HSPB1: variants seen among roughly 807,000 people sequenced by gnomAD.
HSPB1 encodes heat shock protein beta-1.
HSPB1 carries 19 observed loss-of-function variants against 17.0 expected under a neutral mutation model. The observed-to-expected ratio is 1.12, with a 90% CI of 0.78 to 1.64. The LOEUF is 1.64. Among genes scored for constraint, HSPB1 ranks in the 40% most tolerant of loss-of-function variants. The pLI, the probability that HSPB1 is intolerant of heterozygous loss-of-function variation, is 0.00. For synonymous variants in HSPB1, 165 were observed against 129.8 expected (o/e 1.27, Z -1.84); for missense variants, 348 against 289.2 (o/e 1.20, Z -1.47).
In HSPB1 at chr7:76,302,926, GCCTACAGCCGCGCGCT is replaced by G; in HGVS notation, c.216_231del (p.Tyr73AlafsTer32). 1 of 1,545,226 alleles carries G rather than the reference GCCTACAGCCGCGCGCT, an allele frequency of 6.5e-7. No homozygotes were observed. Among genetic ancestry groups the G allele is most frequent in the Non-Finnish European group, 8.7e-7 (1 of 1,150,946 alleles). ...CGAGAGCCCCGCAGTGGCCGCGCCC[GCCTACAGCCGCGCGCT>G]CAGCCGGCAACTCAGCAGCGGGGTC... is the stretch of plus-strand genomic sequence containing the variant. On this transcript the variant is annotated frameshift_variant, in exon 1 of 3. Transcript: ENST00000248553. LOFTEE classifies it high-confidence loss of function.
Position 76,302,806 on chromosome 7 carries a change from G to T in HSPB1, c.94G>T (p.Ala32Ser). 6.2e-7 allele frequency: 1 copy of T among 1,608,368 alleles called. No individual in the cohort carries two copies. The highest frequency in any genetic ancestry group is 8.5e-7 in the Non-Finnish European group (1 of 1,179,264). Residue 32 changes from alanine to serine, a missense_variant, in exon 1 of 3, where the codon GCC becomes TCC. Physicochemically the swap from Ala to Ser is moderately conservative, Grantham distance 99. Coordinates refer to ENST00000248553, the MANE Select transcript of HSPB1 (RefSeq NM_001540.5). Reference protein sequence around the residue: ...WYPHSRLFDQAFGLPRLPEEW... With the variant: ...WYPHSRLFDQSFGLPRLPEEW... The stretch of plus-strand genomic sequence containing the variant: ...CCCGCATAGCCGCCTCTTCGACCAG[G>T]CCTTCGGGCTGCCCCGGCTGCCGGA...
Position 76,302,885 on chromosome 7 carries a change from TGCCCCCC to T in HSPB1, c.177_183del (p.Ala61SerfsTer47), listed in dbSNP as rs1448818291. ...AGCTGGCCAGGCTACGTGCGCCCCCTGCCCCCCGCCGCCATCGAGAGCCCCGCAGTGG... is the reference window on the plus strand; with the variant it reads ...AGCTGGCCAGGCTACGTGCGCCCCCTGCCGCCATCGAGAGCCCCGCAGTGG... On this transcript the variant is annotated frameshift_variant, in exon 1 of 3. Coordinates refer to ENST00000248553, the MANE Select transcript of HSPB1 (RefSeq NM_001540.5). LOFTEE classifies it high-confidence loss of function. 4.5e-6 allele frequency: 7 copies of T among 1,563,374 alleles called. No homozygotes were observed. The highest frequency in any genetic ancestry group is 1.4e-5 in the African/African-American group (1 of 73,954).
Position 76,304,079 on chromosome 7 carries a change from A to C in HSPB1, c.524A>C (p.Gln175Pro), listed in dbSNP as rs751308472. 2 of 1,613,658 alleles carry C rather than the reference A, an allele frequency of 1.2e-6. No homozygotes were observed. Among genetic ancestry groups the C allele is most frequent in the Non-Finnish European group, 1.7e-6 (2 of 1,179,940 alleles). The change falls in exon 3 of 3, where the codon CAG becomes CCG. Residue 175 changes from glutamine to proline, a missense_variant. Coordinates refer to ENST00000248553, the MANE Select transcript of HSPB1 (RefSeq NM_001540.5). ...GCCCCCATGCCCAAGCTAGCCACGC[A>C]GTCCAACGAGATCACCATCCCAGTC... The part of the protein sequence containing the change: ...VEAPMPKLAT[Q>P]SNEITIPVTF...
chr7:76,303,000 C>A lies in HSPB1; in HGVS notation c.288C>A (p.Arg96=). 6.5e-7 allele frequency: 1 copy of A among 1,543,676 alleles called. No individual in the cohort carries two copies. The highest frequency in any genetic ancestry group is 2.4e-5 in the East Asian group (1 of 41,766). ...TCCGGCACACTGCGGACCGCTGGCG[C>A]GTGTCCCTGGATGTCAACCACTTCG... ...SEIRHTADRW[R]VSLDVNHFAP... Residue 96 remains arginine (R), a synonymous_variant, in exon 1 of 3, where the codon CGC becomes CGA. Coordinates refer to ENST00000248553, the MANE Select transcript of HSPB1 (RefSeq NM_001540.5).
chr7:76,303,042 G>A lies in HSPB1; in HGVS notation c.330G>A (p.Thr110=), dbSNP rs1335377513. 1 of 1,541,416 alleles carries A rather than the reference G, an allele frequency of 6.5e-7. No homozygotes were observed. The highest frequency in any genetic ancestry group is 1.9e-5 in the Admixed American group (1 of 51,948). Residue 110 remains threonine (T), a synonymous_variant, in exon 1 of 3, where the codon ACG becomes ACA. Transcript: ENST00000248553. The stretch of plus-strand genomic sequence containing the variant: ...ACCACTTCGCCCCGGACGAGCTGAC[G>A]GTCAAGACCAAGGATGGCGTGGTGG... The part of the protein sequence containing the change: ...DVNHFAPDEL[T]VKTKDGVVEI...
intron 1 of HSPB1, 65 bp downstream of exon 1, chr7:76,303,141 G>A (rs1369904312): frequency 6.7e-7 from 1 of 1,489,904 alleles, no homozygotes; most frequent in South Asian, 1.3e-5. Context: ...CCGGGGGCGT[G>A]CGGTTGAAAC....
Position 76,304,154 on chromosome 7 carries a change from A to G in HSPB1, c.599A>G (p.Asp200Gly). The change falls in exon 3 of 3, where the codon GAT becomes GGT. Residue 200 changes from aspartate to glycine, a missense_variant. Transcript: ENST00000248553. ...QLGGPEAAKS[D>G]ETAAK is the part of the protein sequence containing the mutation. ...GGGGGCCCAGAAGCTGCAAAATCCG[A>G]TGAGACTGCCGCCAAGTAAAGCCTT... is the stretch of plus-strand genomic sequence containing the variant. 6.2e-7 allele frequency: 1 copy of G among 1,611,574 alleles called. No homozygotes were observed. The highest frequency in any genetic ancestry group is 8.5e-7 in the Non-Finnish European group (1 of 1,179,082).
At position 76,302,985 on chromosome 7, in the gene HSPB1, T is replaced by A; in HGVS notation, c.273T>A (p.Thr91=). The A allele has an allele frequency of 1.3e-6, 2 of 1,543,440 alleles. No homozygotes were observed. Among genetic ancestry groups the A allele is most frequent in the Non-Finnish European group, 1.7e-6 (2 of 1,149,854 alleles). Residue 91 remains threonine (T), a synonymous_variant, in exon 1 of 3, where the codon ACT becomes ACA. Coordinates refer to ENST00000248553, the MANE Select transcript of HSPB1 (RefSeq NM_001540.5). ...GCGGGGTCTCGGAGATCCGGCACAC[T>A]GCGGACCGCTGGCGCGTGTCCCTGG... ...LSSGVSEIRH[T]ADRWRVSLDV...
At chr7:76,303,113 C>G (rs1199052176) in intron 1 of HSPB1, 37 bp downstream of exon 1, 1 of 1,499,222 alleles carries the variant, frequency 6.7e-7, no homozygotes, top group East Asian at 2.5e-5. Context: ...GAGGAGGAGG[C>G]TAGCAGGGCG....
rs950234286 is a variant in HSPB1 at position 76,302,840 on chromosome 7, C to G, written c.128C>G (p.Ser43Trp). 3.7e-6 allele frequency: 6 copies of G among 1,601,660 alleles called. No homozygotes were observed. In the African/African-American group the frequency reaches 5.3e-5, roughly 14 times the overall value. Residue 43 changes from serine (S) to tryptophan (W), a missense_variant, in exon 1 of 3, where the codon TCG (serine) becomes TGG (tryptophan). Transcript: ENST00000248553. ...FGLPRLPEEW[S>W]QWLGGSSWPG... ...CTGCCCCGGCTGCCGGAGGAGTGGT[C>G]GCAGTGGTTAGGCGGCAGCAGCTGG... is the stretch of plus-strand genomic sequence containing the variant.
intron 1 of HSPB1, 194 bp downstream of exon 1, chr7:76,303,270 G>A (rs372409935): frequency 2.3e-4 from 149 of 640,062 alleles, no homozygotes; most frequent in Middle Eastern, 1.3e-3. Context: ...TTTCTGCTCT[G>A]TAATCCCAGC....
At position 76,304,008 on chromosome 7, in the gene HSPB1, C is replaced by T; in HGVS notation, c.453C>T (p.Thr151=). Residue 151 remains threonine, a synonymous_variant, in exon 3 of 3, where the codon ACC becomes ACT. Transcript: ENST00000248553. ...GGCTGCCCCCCGGTGTGGACCCCAC[C>T]CAAGTTTCCTCCTCCCTGTCCCCTG... ...KYTLPPGVDP[T]QVSSSLSPEG... is the part of the protein sequence containing the mutation. 1.2e-6 allele frequency: 2 copies of T among 1,613,862 alleles called. No homozygotes were observed. The highest frequency in any genetic ancestry group is 1.7e-6 in the Non-Finnish European group (2 of 1,180,010).
Position 76,304,145 on chromosome 7 carries a change from C to T in HSPB1, c.590C>T (p.Ala197Val). The change falls in exon 3 of 3, where the codon GCA becomes GTA. Residue 197 changes from alanine to valine, a missense_variant. Physicochemically the swap from Ala to Val is moderately conservative, Grantham distance 64. Coordinates refer to ENST00000248553, the MANE Select transcript of HSPB1 (RefSeq NM_001540.5). ...SRAQLGGPEAAKSDETAAK is the reference protein window; with the variant it reads ...SRAQLGGPEAVKSDETAAK The stretch of plus-strand genomic sequence containing the variant: ...GCCCAGCTTGGGGGCCCAGAAGCTG[C>T]AAAATCCGATGAGACTGCCGCCAAG... The T allele has an allele frequency of 6.2e-7, 1 of 1,612,140 alleles. No individual in the cohort carries two copies.
In HSPB1 at chr7:76,304,131, G is replaced by A; in HGVS notation, c.576G>A (p.Gly192=). 6.2e-7 allele frequency: 1 copy of A among 1,612,616 alleles called. No individual in the cohort carries two copies. Among genetic ancestry groups the A allele is most frequent in the Non-Finnish European group, 8.5e-7 (1 of 1,179,488 alleles). ...CCTTCGAGTCGCGGGCCCAGCTTGG[G>A]GGCCCAGAAGCTGCAAAATCCGATG... ...PVTFESRAQL[G]GPEAAKSDET... The change falls in exon 3 of 3, where the codon GGG becomes GGA. Residue 192 remains glycine (G), a synonymous_variant. Coordinates refer to ENST00000248553, the MANE Select transcript of HSPB1 (RefSeq NM_001540.5).
Position 76,302,863 on chromosome 7 carries a change from T to C in HSPB1, c.151T>C (p.Trp51Arg). 6.3e-7 allele frequency: 1 copy of C among 1,587,250 alleles called. No homozygotes were observed. The highest frequency in any genetic ancestry group is 8.5e-7 in the Non-Finnish European group (1 of 1,171,506). The change falls in exon 1 of 3, where the codon TGG (tryptophan) becomes CGG (arginine). Residue 51 changes from tryptophan (W) to arginine (R), a missense_variant. Coordinates refer to ENST00000248553, the MANE Select transcript of HSPB1 (RefSeq NM_001540.5). ...GTCGCAGTGGTTAGGCGGCAGCAGCTGGCCAGGCTACGTGCGCCCCCTGCC... is the reference window on the plus strand; with the variant it reads ...GTCGCAGTGGTTAGGCGGCAGCAGCCGGCCAGGCTACGTGCGCCCCCTGCC... The part of the protein sequence containing the change: ...EWSQWLGGSS[W>R]PGYVRPLPPA...
rs1239576296 is a variant in HSPB1 at position 76,303,119 on chromosome 7, G to A, written c.364+43G>A. ...TGCAGGGGAGAGGAGGAGGCTAGCA[G>A]GGCGGGCAGGGCCGGGGGCGTGCGG... On this transcript the variant is annotated intron_variant, in intron 1 of 2. Transcript: ENST00000248553. The A allele has an allele frequency of 6.7e-6, 10 of 1,496,936 alleles. No homozygotes were observed. In the Admixed American group the frequency reaches 8.6e-5, roughly 13 times the overall value. The allele number at this position is 1,496,936 out of a possible 1,614,324, so 92.7% of individuals were successfully genotyped here.
intron 1 of HSPB1, 151 bp from the exon 2 acceptor site, chr7:76,303,651 C>G (rs890934400): frequency 1.5e-6 from 1 of 658,994 alleles, no homozygotes; most frequent in East Asian, 2.7e-5. Flanking sequence ...GAGCCCAGAC[C>G]GGCGGGCACG....
intron 1 of HSPB1, chr7:76,303,570 A>G (rs1417230480): frequency 5.0e-6 from 3 of 596,646 alleles, no homozygotes; most frequent in East Asian, 2.8e-5. Context: ...CGTACTGCTC[A>G]CTCCCCAGCT....
intron 1 of HSPB1, 146 bp from the exon 2 acceptor site, chr7:76,303,656 G>A (rs1423375310): frequency 4.5e-6 from 3 of 665,792 alleles, no homozygotes; most frequent in South Asian, 3.5e-5. Flanking sequence ...CAGACCGGCG[G>A]GCACGCCCCC....
Sources: allele counts gnomAD v4.1 joint callset, GRCh38; gene constraint gnomAD v4.1.1; transcripts MANE v1.5; gene names NCBI Gene and HGNC (gene_info 2026-07-23, HGNC 2026-07-21).